The following CEP85L variants were observed in gnomAD, a reference collection of about 807,000 sequenced individuals.
CEP85L encodes the protein centrosomal protein of 85 kDa-like.
A neutral mutation model predicts 100.3 loss-of-function variants in CEP85L; 60 were observed. The observed-to-expected ratio is 0.60, with a 90% CI of 0.49 to 0.74. The LOEUF is 0.74. Ranked by LOEUF, CEP85L falls within the 30% of genes least tolerant of loss-of-function variation. The probability of loss-of-function intolerance (pLI) is 0.00; values close to 1 mark genes in which losing one functional copy is unlikely to be tolerated. For synonymous variants in CEP85L, 319 were observed against 322.7 expected, an observed-to-expected ratio of 0.99 and a Z score of 0.12; for missense variants, 973 against 936.2, an observed-to-expected ratio of 1.04 and a Z score of -0.51.
intron 2 of CEP85L, among the ~76,000 whole-genome samples, chr6:118,612,804 TGAAAACA>T (rs2115237576): frequency 6.6e-6 from 1 of 151,192 alleles, no homozygotes; most frequent in South Asian, 2.1e-4. Context: ...TTGCTGAAAT[TGAAAACA>T]GAAAACAAAT....
intron 3 of CEP85L, among the ~76,000 whole-genome samples, chr6:118,557,893 A>T (rs1455488608): frequency 6.6e-6 from 1 of 151,710 alleles, no homozygotes; most frequent in African/African-American, 2.4e-5. Flanking sequence ...ACATGATTCC[A>T]TGTTTTTAAT....
chr6:118,465,601 C>T (rs746522679), intron 12 of CEP85L, 33 bp from the exon 13 acceptor site: 52 of 1,595,798 alleles, frequency 3.3e-5, no homozygotes, highest in African/African-American at 4.0e-5. Context: ...GAATATCTCA[C>T]ATTTTTTTGA....
At chr6:118,547,485 T>C (rs1778274379) in intron 3 of CEP85L, among the ~76,000 whole-genome samples, 2 of 152,126 alleles carry the variant, frequency 1.3e-5, no homozygotes, top group Non-Finnish European at 1.5e-5. Flanking sequence ...TAATTATTTC[T>C]TTTTTGCCAT....
intron 3 of CEP85L, among the ~76,000 whole-genome samples, chr6:118,561,577 T>C (rs1286261787): frequency 6.6e-6 from 1 of 152,110 alleles, no homozygotes; most frequent in African/African-American, 2.4e-5. Context: ...ATAGAATAAG[T>C]TCTTATCTTA....
chr6:118,576,259 G>C (rs748132775), intron 2 of CEP85L, among the ~76,000 whole-genome samples: 1 of 152,092 alleles, frequency 6.6e-6, no homozygotes, highest in Non-Finnish European at 1.5e-5. Flanking sequence ...AGGACTCAAG[G>C]CCTCCTAGCG....
chr6:118,628,186 T>C (rs770686249), intron 2 of CEP85L, among the ~76,000 whole-genome samples: 27 of 151,158 alleles, frequency 1.8e-4, no homozygotes, highest in Non-Finnish European at 2.7e-4. Context: ...AAAAAAAAAA[T>C]AGTTTGAAGA....
chr6:118,536,793 C>T (rs1470797832), intron 3 of CEP85L, among the ~76,000 whole-genome samples: 1 of 152,064 alleles, frequency 6.6e-6, no homozygotes, highest in Admixed American at 6.6e-5. Context: ...TCTAGGAGAA[C>T]AAAGAAGCCT....
At chr6:118,671,457 T>TA (rs138566347) in intron 1 of CEP85L, among the ~76,000 whole-genome samples, 3 of 152,040 alleles carry the variant, frequency 2.0e-5, no homozygotes, top group East Asian at 1.9e-4. Context: ...CTACTGTTAA[T>TA]AAAAAAAATT....
At chr6:118,582,273 A>G (rs1780618954) in intron 2 of CEP85L, among the ~76,000 whole-genome samples, 1 of 152,210 alleles carries the variant, frequency 6.6e-6, no homozygotes, top group Admixed American at 6.5e-5. Context: ...CAGGACCTTA[A>G]GCAAATAAAC....
chr6:118,572,069 T>C (rs1204014334), intron 2 of CEP85L, among the ~76,000 whole-genome samples: 3 of 151,994 alleles, frequency 2.0e-5, no homozygotes, highest in Non-Finnish European at 4.4e-5. Flanking sequence ...TTGGTCAGGC[T>C]GGTCTCGAAC....
intron 3 of CEP85L, among the ~76,000 whole-genome samples, chr6:118,552,345 T>C (rs1212739077): frequency 2.6e-5 from 4 of 152,054 alleles, no homozygotes; most frequent in Admixed American, 2.6e-4. Flanking sequence ...AAAGTATAGA[T>C]GGAGATTAAT....
intron 12 of CEP85L, 53 bp downstream of exon 12, chr6:118,469,019 T>C (rs747798332): frequency 4.5e-5 from 56 of 1,237,936 alleles, no homozygotes; most frequent in Non-Finnish European, 6.5e-5. Flanking sequence ...TCCTGATTCA[T>C]GAAGATAGGT....
intron 10 of CEP85L, among the ~76,000 whole-genome samples, chr6:118,474,991 G>C (rs1338089423): frequency 6.6e-6 from 1 of 152,218 alleles, no homozygotes; most frequent in Non-Finnish European, 1.5e-5. Flanking sequence ...AAAAGAGCTA[G>C]AATGGATCAG....
intron 3 of CEP85L, among the ~76,000 whole-genome samples, chr6:118,532,276 T>A (rs1429471048): frequency 6.6e-6 from 1 of 151,930 alleles, no homozygotes; most frequent in Non-Finnish European, 1.5e-5. Context: ...AAATACCACG[T>A]TTTCACTTAA....
chr6:118,639,273 C>A (rs1774710466), intron 1 of CEP85L, among the ~76,000 whole-genome samples: 2 of 152,200 alleles, frequency 1.3e-5, no homozygotes, highest in Non-Finnish European at 2.9e-5. Context: ...TAACTCCACT[C>A]AAGCCAGCCT....
chr6:118,565,413 C>G, intron 3 of CEP85L, 116 bp downstream of exon 3: 1 of 1,014,182 alleles, frequency 9.9e-7, no homozygotes, highest in Non-Finnish European at 1.5e-6. Context: ...TATTAACTTG[C>G]AGGGAAAAGG....
chr6:118,602,969 A>G (rs1226692871), intron 2 of CEP85L, among the ~76,000 whole-genome samples: 1 of 152,046 alleles, frequency 6.6e-6, no homozygotes, highest in East Asian at 1.9e-4. Context: ...TACAGGTACC[A>G]ACCACCAAGT....
rs1483666648 is a variant in CEP85L at position 118,546,571 on chromosome 6, A to G, written c.1020+18958T>C. The stretch of plus-strand genomic sequence containing the variant: ...TTTACATCTTAAAAATTTCTCAGTT[A>G]CTATATGCTACTCTAATGAAAGCTA... On this transcript the variant is annotated intron_variant, in intron 3 of 12. Coordinates refer to ENST00000368491, the MANE Select transcript of CEP85L (RefSeq NM_001042475.3). Among the ~76,000 whole-genome samples, 3 of 152,166 alleles carry G rather than the reference A, an allele frequency of 2.0e-5. No homozygotes were observed. In the East Asian group the frequency reaches 5.8e-4, roughly 29 times the overall value.
intron 3 of CEP85L, among the ~76,000 whole-genome samples, chr6:118,524,307 G>C (rs1016564758): frequency 2.0e-5 from 3 of 152,124 alleles, no homozygotes; most frequent in Admixed American, 1.3e-4. Flanking sequence ...AGCCAGGCGT[G>C]GTGGCAGGCG....
Sources: gnomAD v4.1 joint callset for allele counts (sites outside exome capture counted in the v4.1 genomes callset) on GRCh38, gnomAD v4.1.1 for gene constraint, MANE v1.5 for transcripts, NCBI Gene and HGNC (gene_info 2026-07-23, HGNC 2026-07-21) for gene names.